The following ULK4 variants were observed in gnomAD, a reference collection of about 807,000 sequenced individuals.
ULK4 encodes unc-51 like kinase 4.
A neutral mutation model predicts 160.6 loss-of-function variants in ULK4; 133 were observed. The observed-to-expected ratio is 0.83, with a 90% CI of 0.72 to 0.96. The LOEUF is 0.96. Among genes scored for constraint, ULK4 ranks in the 40% least tolerant of loss-of-function variants. The probability of loss-of-function intolerance (pLI) is 0.00; values close to 1 mark genes in which losing one functional copy is unlikely to be tolerated. For missense variants in ULK4, 1,580 were observed against 1,499.5 expected, an observed-to-expected ratio of 1.05 and a Z score of -0.89; for synonymous variants, 534 against 539.8, an observed-to-expected ratio of 0.99 and a Z score of 0.15.
chr3:41,878,734 GA>G (rs1401207681), intron 17 of ULK4, among the ~76,000 whole-genome samples: 1 of 128,644 alleles, frequency 7.8e-6, no homozygotes, highest in African/African-American at 2.9e-5. Flanking sequence ...AGGGTATGAA[GA>G]AAAAAAAAGA....
chr3:41,610,570 G>A (rs2032624570), intron 31 of ULK4, among the ~76,000 whole-genome samples: 1 of 152,166 alleles, frequency 6.6e-6, no homozygotes, highest in African/African-American at 2.4e-5. Flanking sequence ...TGACATTGGT[G>A]TCTCAGTGAT....
chr3:41,684,221 T>C (rs1337081948), intron 27 of ULK4, among the ~76,000 whole-genome samples: 1 of 152,202 alleles, frequency 6.6e-6, no homozygotes, highest in Non-Finnish European at 1.5e-5. Flanking sequence ...CCCAGAAATC[T>C]GGCATGCGAG....
chr3:41,901,479 C>CTTTTTTT lies in ULK4; in HGVS notation c.1183-657_1183-651dup, dbSNP rs566805860. On this transcript the variant is annotated intron_variant, in intron 12 of 36. Transcript: ENST00000301831. ...ACAGGCGTGAGCCACCACGCCCAGC[C>CTTTTTTT]TTTTTTTTTTTTTTTTTTTGAGATA... 5.3e-4 allele frequency among the ~76,000 whole-genome samples: 12 copies of CTTTTTTT among 22,544 alleles called. 3 individuals carry two copies. Among genetic ancestry groups the CTTTTTTT allele is most frequent in the Admixed American group, 3.0e-3 (3 of 986 alleles). 14.8% of individuals were successfully genotyped at this position (22,544 alleles called of 152,430 possible).
At chr3:41,292,536 C>T (rs372093892) in intron 35 of ULK4, among the ~76,000 whole-genome samples, 129 of 152,284 alleles carry the variant, frequency 8.5e-4, no homozygotes, top group African/African-American at 3.1e-3. Context: ...ATTCCAGCTA[C>T]TCGGGAGGCT....
At chr3:41,616,542 TG>T (rs2032974334) in intron 30 of ULK4, among the ~76,000 whole-genome samples, 1 of 152,144 alleles carries the variant, frequency 6.6e-6, no homozygotes, top group Non-Finnish European at 1.5e-5. Flanking sequence ...TGCAAGGGGC[TG>T]GGGACCTCCC....
At chr3:41,644,025 T>C (rs2034363809) in intron 30 of ULK4, among the ~76,000 whole-genome samples, 1 of 152,272 alleles carries the variant, frequency 6.6e-6, no homozygotes, top group African/African-American at 2.4e-5. Context: ...ATGCTTGTGA[T>C]TGTTGTATAT....
rs570675564 is a variant in ULK4 at position 41,318,884 on chromosome 3, A to G, written c.3679-69310T>C. Among the ~76,000 whole-genome samples, 458 of 152,332 alleles carry G rather than the reference A, an allele frequency of 3.0e-3. 5 individuals carry two copies. Among genetic ancestry groups the G allele is most frequent in the Admixed American group, 4.6e-3 (70 of 15,306 alleles). ...GATGCCCCTTTATAACCTGTAAAAG[A>G]TGACAGATCCATCCAGAAACTCAAA... On this transcript the variant is annotated intron_variant, in intron 35 of 36. Coordinates refer to ENST00000301831, the MANE Select transcript of ULK4 (RefSeq NM_017886.4).
chr3:41,746,008 C>T (rs1032267365), intron 22 of ULK4, among the ~76,000 whole-genome samples: 1 of 150,824 alleles, frequency 6.6e-6, no homozygotes, highest in Non-Finnish European at 1.5e-5. Context: ...GATTGACCTT[C>T]CTCCACTGAT....
chr3:41,265,205 AG>A, intron 35 of ULK4, among the ~76,000 whole-genome samples: 1 of 152,332 alleles, frequency 6.6e-6, no homozygotes, highest in South Asian at 2.1e-4. Flanking sequence ...CCACGGCCAC[AG>A]GGGGCCACGG....
intron 30 of ULK4, among the ~76,000 whole-genome samples, chr3:41,646,708 T>C (rs1559458421): frequency 6.6e-6 from 1 of 152,194 alleles, no homozygotes; most frequent in Admixed American, 6.5e-5. Flanking sequence ...TTTGTGGCGT[T>C]CTCTGTATTT....
chr3:41,374,198 T>C (rs1271582594), intron 35 of ULK4, among the ~76,000 whole-genome samples: 1 of 152,210 alleles, frequency 6.6e-6, no homozygotes, highest in Non-Finnish European at 1.5e-5. Flanking sequence ...AGCTGAATTC[T>C]ACCAGAGGTG....
intron 19 of ULK4, among the ~76,000 whole-genome samples, chr3:41,809,494 G>T (rs146279777): frequency 6.6e-6 from 1 of 152,134 alleles, no homozygotes; most frequent in Non-Finnish European, 1.5e-5. Context: ...AAAAGTAGGC[G>T]TGTAGACTAA....
intron 21 of ULK4, among the ~76,000 whole-genome samples, chr3:41,787,374 C>T: frequency 6.6e-6 from 1 of 152,174 alleles, no homozygotes; most frequent in East Asian, 1.9e-4. Context: ...GCCGGGGTAG[C>T]ATCAGAGGAG....
Position 41,473,276 on chromosome 3 carries a change from A to C in ULK4, c.3227-10023T>G, listed in dbSNP as rs1264839674. On this transcript the variant is annotated intron_variant, in intron 32 of 36. Coordinates refer to ENST00000301831, the MANE Select transcript of ULK4 (RefSeq NM_017886.4). ...CAAGAGAAAAAAAGAAAAGGCATCC[A>C]TAAAGGAAAAAGTAGAATTGTTGCT... Among the ~76,000 whole-genome samples the C allele has an allele frequency of 2.0e-5, 3 of 152,238 alleles. No homozygotes were observed. The South Asian group carries it at 6.2e-4, about 31-fold the overall frequency.
chr3:41,399,960 T>C (rs1445110928), intron 34 of ULK4, among the ~76,000 whole-genome samples: 3 of 152,202 alleles, frequency 2.0e-5, no homozygotes. Context: ...TTTGAGGTCT[T>C]CGATGCATTT....
At chr3:41,279,434 C>T (rs771451061) in intron 35 of ULK4, among the ~76,000 whole-genome samples, 5 of 152,116 alleles carry the variant, frequency 3.3e-5, no homozygotes, top group African/African-American at 1.2e-4. Context: ...GGCAGGCCAA[C>T]ATTCAAATTC....
At chr3:41,870,339 T>G in intron 17 of ULK4, among the ~76,000 whole-genome samples, 1 of 152,236 alleles carries the variant, frequency 6.6e-6, no homozygotes, top group African/African-American at 2.4e-5. Context: ...CATGTGACTG[T>G]TAGATAATTT....
chr3:41,727,128 G>A (rs547741731), intron 22 of ULK4, among the ~76,000 whole-genome samples: 11 of 152,116 alleles, frequency 7.2e-5, no homozygotes, highest in South Asian at 2.1e-4. Context: ...CCACCTTTAC[G>A]TAACTCTGAT....
At chr3:41,492,454 T>C (rs2084816705) in intron 32 of ULK4, among the ~76,000 whole-genome samples, 1 of 151,186 alleles carries the variant, frequency 6.6e-6, no homozygotes, top group Non-Finnish European at 1.5e-5. Context: ...GAACAACCGG[T>C]ACCAGCCACT....
Sources: gnomAD v4.1 joint callset for allele counts (sites outside exome capture counted in the v4.1 genomes callset) on GRCh38, gnomAD v4.1.1 for gene constraint, MANE v1.5 for transcripts, NCBI Gene and HGNC (gene_info 2026-07-23, HGNC 2026-07-21) for gene names.